Variants in ERFL observed in about 807,000 individuals in gnomAD.
ERFL encodes the protein ETS repressor factor like, also known as ETS domain-containing transcription factor ERF-like.
ERFL carries 8 observed loss-of-function variants against 27.9 expected under a neutral mutation model. The observed-to-expected ratio is 0.29, with a 90% confidence interval of 0.17 to 0.52. The LOEUF (loss-of-function observed/expected upper bound fraction) is 0.52. Among genes scored for constraint, ERFL ranks in the 20% least tolerant of loss-of-function variants. The probability of loss-of-function intolerance (pLI) is 0.97; values close to 1 mark genes in which losing one functional copy is unlikely to be tolerated. For missense variants in ERFL, 294 were observed against 444.4 expected, an observed-to-expected ratio of 0.66 and a Z score of 3.04; for synonymous variants, 174 against 202.8, an observed-to-expected ratio of 0.86 and a Z score of 1.21.
Position 41,917,410 on chromosome 19 carries a change from C to T in ERFL, c.-13-4478G>A, listed in dbSNP as rs1037172360. On this transcript the variant is annotated intron_variant, in intron 1 of 5. Transcript: ENST00000597630. The surrounding 1 kb of genome is among the most constrained non-coding windows in gnomAD (Gnocchi z 4.8). ...TTGTTTTGATTTCTCTAAGCTGCGC[C>T]GGCCGCCTCGGGAGCCGCCTCGGGC... Among the ~76,000 whole-genome samples, 5 of 152,188 alleles carry T rather than the reference C, an allele frequency of 3.3e-5. No homozygotes were observed. The highest frequency in any genetic ancestry group is 1.9e-4 in the East Asian group (1 of 5,170).
At position 41,908,412 on chromosome 19, in the gene ERFL, G is replaced by GCCAGGCCCGAGGGGCGCTCGGGGC; in HGVS notation, c.857_880dup (p.Gly286_Leu293dup). 8.1e-7 allele frequency: 1 copy of GCCAGGCCCGAGGGGCGCTCGGGGC among 1,231,240 alleles called. No homozygotes were observed. Among genetic ancestry groups the GCCAGGCCCGAGGGGCGCTCGGGGC allele is most frequent in the South Asian group, 4.1e-5 (1 of 24,314 alleles). The allele number at this position is 1,231,240 out of a possible 1,614,324, so 76.3% of individuals were successfully genotyped here. A position where few individuals can be genotyped will look rare whatever the true frequency, so the allele number is the denominator to read the frequency against. On this transcript the variant is annotated inframe_insertion, in exon 6 of 6. Transcript: ENST00000597630. The surrounding 1 kb of genome is among the most constrained non-coding windows in gnomAD (Gnocchi z 6.7). ...TGGCAGCGCCAGGCGAGGGGCCGCTGCCAGGCCCGAGGGGCGCTCGGGGCC... is the reference window on the plus strand; with the variant it reads ...TGGCAGCGCCAGGCGAGGGGCCGCTGCCAGGCCCGAGGGGCGCTCGGGGCCCAGGCCCGAGGGGCGCTCGGGGCC...
In ERFL at chr19:41,916,208, G is replaced by A. The variant is rs1362713217; in HGVS notation, c.-13-3276C>T. ...CACCACGTCCCACACAGCACACATC[G>A]CACAGATGCACACACCAGCACAGCC... On this transcript the variant is annotated intron_variant, in intron 1 of 5. Transcript: ENST00000597630. The surrounding 1 kb of genome is among the most constrained non-coding windows in gnomAD (Gnocchi z 5.4). 1.3e-5 allele frequency among the ~76,000 whole-genome samples: 2 copies of A among 150,764 alleles called. No homozygotes were observed. The highest frequency in any genetic ancestry group is 3.0e-5 in the Non-Finnish European group (2 of 67,646).
chr19:41,908,220 C>T lies in ERFL; in HGVS notation c.*8G>A. On this transcript the variant is annotated 3_prime_UTR_variant, in exon 6 of 6. Transcript: ENST00000597630. The surrounding 1 kb of genome is among the most constrained non-coding windows in gnomAD (Gnocchi z 6.7). ...CTGCCTCAGCAGAATCCATTGCCCC[C>T]TGCCGGCTCAGCTGCCGGTCCCCCC... 8.1e-7 allele frequency: 1 copy of T among 1,231,766 alleles called. No homozygotes were observed. Among genetic ancestry groups the T allele is most frequent in the African/African-American group, 1.5e-5 (1 of 64,520 alleles). The allele number at this position is 1,231,766 out of a possible 1,614,324, so 76.3% of individuals were successfully genotyped here. A position where few individuals can be genotyped will look rare whatever the true frequency, so the allele number is the denominator to read the frequency against.
In ERFL at chr19:41,916,684, C is replaced by T. The variant is rs1555851972; in HGVS notation, c.-13-3752G>A. Among the ~76,000 whole-genome samples, 1 of 151,960 alleles carries T rather than the reference C, an allele frequency of 6.6e-6. No homozygotes were observed. Among genetic ancestry groups the T allele is most frequent in the African/African-American group, 2.4e-5 (1 of 41,326 alleles). Reference sequence around the variant, plus strand: ...CACACAACCAAGCACCACCGACCCTCGAGCGCATACATATGCACTTGGTCA... The same window carrying T: ...CACACAACCAAGCACCACCGACCCTTGAGCGCATACATATGCACTTGGTCA... On this transcript the variant is annotated intron_variant, in intron 1 of 5. Transcript: ENST00000597630. This position sits in a 1 kb window ranked among gnomAD's most constrained non-coding sequence, Gnocchi z 5.4.
In ERFL at chr19:41,916,517, CAAA is replaced by C. The variant is rs1555851958; in HGVS notation, c.-13-3588_-13-3586del. On this transcript the variant is annotated intron_variant, in intron 1 of 5. Transcript: ENST00000597630. This position sits in a 1 kb window ranked among gnomAD's most constrained non-coding sequence, Gnocchi z 5.4. ...ACATCAATTCAATCTCACACAGAAACAAAGACACAAAATCACAAATCCTAGACA... is the reference window on the plus strand; with the variant it reads ...ACATCAATTCAATCTCACACAGAAACGACACAAAATCACAAATCCTAGACA... Among the ~76,000 whole-genome samples, 2 of 152,084 alleles carry C rather than the reference CAAA, an allele frequency of 1.3e-5. No homozygotes were observed. The highest frequency in any genetic ancestry group is 4.8e-5 in the African/African-American group (2 of 41,402).
rs1394878595 is a variant in ERFL, at chr19:41,908,951, C to T, written c.616+109G>A. The T allele has an allele frequency of 4.5e-6, 3 of 661,426 alleles. No individual in the cohort carries two copies. The highest frequency in any genetic ancestry group is 4.4e-5 in the Admixed American group (1 of 22,984). 41.0% of individuals were successfully genotyped at this position (661,426 alleles called of 1,614,324 possible). A position where few individuals can be genotyped will look rare whatever the true frequency, so the allele number is the denominator to read the frequency against. ...TACACACACACACCCTACAACCTGGCCCTGGGCCCCCTTCCCCATCTCTTC... is the reference window on the plus strand; with the variant it reads ...TACACACACACACCCTACAACCTGGTCCTGGGCCCCCTTCCCCATCTCTTC... On this transcript the variant is annotated intron_variant, in intron 5 of 5. Transcript: ENST00000597630. This position sits in a 1 kb window ranked among gnomAD's most constrained non-coding sequence, Gnocchi z 6.7.
chr19:41,910,432 C>T lies in ERFL; in HGVS notation c.68-335G>A, dbSNP rs898201240. 2.0e-5 allele frequency among the ~76,000 whole-genome samples: 3 copies of T among 152,088 alleles called. No individual in the cohort carries two copies. The highest frequency in any genetic ancestry group is 1.3e-4 in the Admixed American group (2 of 15,270). On this transcript the variant is annotated intron_variant, in intron 2 of 5. Transcript: ENST00000597630. This position sits in a 1 kb window ranked among gnomAD's most constrained non-coding sequence, Gnocchi z 4.4. ...GTGAGGAGGAATGGGGAGGGGCACCCGCCTCCAACAGCGTTAGTCCTCTCA... is the reference window on the plus strand; with the variant it reads ...GTGAGGAGGAATGGGGAGGGGCACCTGCCTCCAACAGCGTTAGTCCTCTCA...
In ERFL at chr19:41,913,844, G is replaced by A. The variant is rs568189641; in HGVS notation, c.-13-912C>T. ...AATCCACTCCCTCTCACACCCCTCC[G>A]CAGACACACGCTGCCCTCGCGCTCC... is the stretch of plus-strand genomic sequence containing the variant. On this transcript the variant is annotated intron_variant, in intron 1 of 5. Coordinates refer to ENST00000597630, the MANE Select transcript of ERFL (RefSeq NM_001365103.2). Among the ~76,000 whole-genome samples the A allele has an allele frequency of 4.0e-5, 4 of 99,788 alleles. No individual in the cohort carries two copies. In the East Asian group the frequency reaches 1.1e-3, roughly 27 times the overall value. The allele number at this position is 99,788 out of a possible 152,430, so 65.5% of individuals were successfully genotyped here. A position where few individuals can be genotyped will look rare whatever the true frequency, so the allele number is the denominator to read the frequency against.
In ERFL at chr19:41,914,011, T is replaced by C. The variant is rs568619662; in HGVS notation, c.-13-1079A>G. 2.0e-5 allele frequency among the ~76,000 whole-genome samples: 3 copies of C among 148,702 alleles called. No homozygotes were observed. The East Asian group carries it at 6.1e-4, about 30-fold the overall frequency. On this transcript the variant is annotated intron_variant, in intron 1 of 5. Coordinates refer to ENST00000597630, the MANE Select transcript of ERFL (RefSeq NM_001365103.2). ...ACCCTGATACTCCCCACTGCTCCCA[T>C]GCGCCCCCCAGCCAGAAACCCCTCA...
In ERFL at chr19:41,917,120, C is replaced by T. The variant is rs970381087; in HGVS notation, c.-13-4188G>A. Among the ~76,000 whole-genome samples, 4 of 152,150 alleles carry T rather than the reference C, an allele frequency of 2.6e-5. No individual in the cohort carries two copies. The highest frequency in any genetic ancestry group is 2.1e-4 in the South Asian group (1 of 4,818). On this transcript the variant is annotated intron_variant, in intron 1 of 5. Coordinates refer to ENST00000597630, the MANE Select transcript of ERFL (RefSeq NM_001365103.2). The surrounding 1 kb of genome is among the most constrained non-coding windows in gnomAD (Gnocchi z 4.8). ...GGTCTCTCTCAGCCCCTTCGGGTGT[C>T]GGCGCATCTTTCTGTCTGTCTCTGT...
chr19:41,908,094 A>C lies in ERFL; in HGVS notation c.*134T>G. The C allele has an allele frequency of 1.6e-6, 1 of 616,274 alleles. No individual in the cohort carries two copies. Among genetic ancestry groups the C allele is most frequent in the Non-Finnish European group, 2.3e-6 (1 of 426,274 alleles). The allele number at this position is 616,274 out of a possible 1,614,324, so 38.2% of individuals were successfully genotyped here. A position where few individuals can be genotyped will look rare whatever the true frequency, so the allele number is the denominator to read the frequency against. ...ACCCCCCCCACTCTGGGGCTGGGGA[A>C]GGAGACTGGGGCAGCAATGTGCCCA... On this transcript the variant is annotated 3_prime_UTR_variant, in exon 6 of 6. Transcript: ENST00000597630. This position sits in a 1 kb window ranked among gnomAD's most constrained non-coding sequence, Gnocchi z 6.7.
chr19:41,909,150 G>T lies in ERFL; in HGVS notation c.526C>A (p.Arg176Ser). The change falls in exon 5 of 6, where the codon CGC (arginine) becomes AGC (serine). Residue 176 changes from arginine to serine, a missense_variant. By Grantham distance (110) the Arg-to-Ser change is moderately radical. Around this residue, in one of 3 missense-constraint regions of ERFL, gnomAD observed 246 missense variants for 371.4 expected, o/e 0.66. Coordinates refer to ENST00000597630, the MANE Select transcript of ERFL (RefSeq NM_001365103.2). This position sits in a 1 kb window ranked among gnomAD's most constrained non-coding sequence, Gnocchi z 5.2. ...ETLQTLFSAP[R>S]LGEPGARTPL... ...GTCCGGGCCCCTGGCTCTCCCAGGC[G>T]TGGGGCAGAGAACAGGGTTTGCAGG... The T allele has an allele frequency of 1.6e-6, 2 of 1,231,876 alleles. No individual in the cohort carries two copies. Among genetic ancestry groups the T allele is most frequent in the Non-Finnish European group, 2.0e-6 (2 of 988,122 alleles). The allele number at this position is 1,231,876 out of a possible 1,614,324, so 76.3% of individuals were successfully genotyped here. A position where few individuals can be genotyped will look rare whatever the true frequency, so the allele number is the denominator to read the frequency against.
intron 2 of ERFL, among the ~76,000 whole-genome samples, chr19:41,912,422 G>C (rs1019630313): frequency 2.0e-5 from 3 of 152,194 alleles, no homozygotes; most frequent in Non-Finnish European, 4.4e-5. Flanking sequence ...CGGTCTGGCC[G>C]GGTCGTGCCT....
rs2074812125 is a variant in ERFL at position 41,917,950 on chromosome 19, G to A, written c.-13-5018C>T. On this transcript the variant is annotated intron_variant, in intron 1 of 5. Transcript: ENST00000597630. This position sits in a 1 kb window ranked among gnomAD's most constrained non-coding sequence, Gnocchi z 4.8. ...TGTGTGTGTGTGTGCTCACACACCTGTCCGTCCAGACTATAGCCACGTCCA... is the reference window on the plus strand; with the variant it reads ...TGTGTGTGTGTGTGCTCACACACCTATCCGTCCAGACTATAGCCACGTCCA... Among the ~76,000 whole-genome samples, 1 of 151,824 alleles carries A rather than the reference G, an allele frequency of 6.6e-6. No homozygotes were observed. The highest frequency in any genetic ancestry group is 2.4e-5 in the African/African-American group (1 of 41,222).
Position 41,908,604 on chromosome 19 carries a change from T to C in ERFL, c.689A>G (p.Asn230Ser). The change falls in exon 6 of 6, where the codon AAC becomes AGC. Residue 230 changes from asparagine (N) to serine (S), a missense_variant. Physicochemically the swap from Asn to Ser is conservative, Grantham distance 46. Around this residue, in one of 3 missense-constraint regions of ERFL, gnomAD observed 246 missense variants for 371.4 expected, o/e 0.66. Transcript: ENST00000597630. This position sits in a 1 kb window ranked among gnomAD's most constrained non-coding sequence, Gnocchi z 6.7. ...GGGGCCCGTGAGGTACGGGTTAAAG[T>C]TCCAGGGGTACTCAGGGAAGGCGCG... is the stretch of plus-strand genomic sequence containing the variant. Reference protein sequence around the residue: ...YGRAFPEYPWNFNPYLTGPFP... With the variant: ...YGRAFPEYPWSFNPYLTGPFP... 1.6e-6 allele frequency: 2 copies of C among 1,231,592 alleles called. No individual in the cohort carries two copies. Among genetic ancestry groups the C allele is most frequent in the Non-Finnish European group, 2.0e-6 (2 of 988,070 alleles). 76.3% of individuals were successfully genotyped at this position (1,231,592 alleles called of 1,614,324 possible).
chr19:41,923,918 G>T (rs1599681088), intron 1 of ERFL, among the ~76,000 whole-genome samples: 1 of 64,772 alleles, frequency 1.5e-5, no homozygotes, highest in African/African-American at 6.8e-5. Flanking sequence ...TGTGCTGGGG[G>T]TGTGTGTGGG....
intron 1 of ERFL, among the ~76,000 whole-genome samples, chr19:41,926,698 C>T (rs910383865): frequency 4.6e-5 from 7 of 150,832 alleles, no homozygotes; most frequent in Non-Finnish European, 7.4e-5. Flanking sequence ...GCGTCTGGGC[C>T]GCGGCGGCCG....
chr19:41,924,691 CAG>C (rs2074861525), intron 1 of ERFL, among the ~76,000 whole-genome samples: 1 of 152,026 alleles, frequency 6.6e-6, no homozygotes, highest in African/African-American at 2.4e-5. Context: ...AGATGCTGTG[CAG>C]TGCGGGGAGC....
At position 41,921,360 on chromosome 19, in the gene ERFL, T is replaced by G. The variant is rs2074841380; in HGVS notation, c.-14+6680A>C. ...AGCAGGAGTGAGACACGGAGGGAGA[T>G]GGAGGGGGATAGGCGGGACATGGGG... On this transcript the variant is annotated intron_variant, in intron 1 of 5. Coordinates refer to ENST00000597630, the MANE Select transcript of ERFL (RefSeq NM_001365103.2). The surrounding 1 kb of genome is among the most constrained non-coding windows in gnomAD (Gnocchi z 4.4). Among the ~76,000 whole-genome samples, 1 of 148,598 alleles carries G rather than the reference T, an allele frequency of 6.7e-6. No homozygotes were observed. Among genetic ancestry groups the G allele is most frequent in the Non-Finnish European group, 1.5e-5 (1 of 67,012 alleles).
Sources: allele counts gnomAD v4.1 joint callset (sites outside exome capture counted in the v4.1 genomes callset), GRCh38; gene constraint gnomAD v4.1.1; regional missense constraint gnomAD v4.1.1; non-coding constraint Gnocchi (gnomAD v3.1); transcripts MANE v1.5; gene names NCBI Gene and HGNC (gene_info 2026-07-23, HGNC 2026-07-21).